Variants in SFMBT1 observed in about 807,000 individuals in gnomAD.
The protein encoded by SFMBT1 is scm-like with four MBT domains protein 1.
A neutral mutation model predicts 108.7 loss-of-function variants in SFMBT1; 32 were observed. The ratio of observed to expected loss-of-function variants is 0.29; its 90% CI spans 0.22 to 0.40. The LOEUF is 0.40. SFMBT1 is among the 10% of genes least tolerant of loss of function. The pLI is 1.00. For synonymous variants in SFMBT1, 348 were observed against 369.5 expected (o/e 0.94, Z 0.67); for missense variants, 816 against 1,059.6 (o/e 0.77, Z 3.19).
chr3:52,910,736 G>T (rs1702194531), intron 17 of SFMBT1, among the ~76,000 whole-genome samples: 1 of 152,164 alleles, frequency 6.6e-6, no homozygotes, highest in African/African-American at 2.4e-5. Context: ...TGATCCGCCT[G>T]CCTCGGCCTC....
At chr3:52,915,955 G>A (rs1038385264) in intron 14 of SFMBT1, among the ~76,000 whole-genome samples, 195 bp downstream of exon 14, 2 of 152,104 alleles carry the variant, frequency 1.3e-5, no homozygotes, top group Admixed American at 1.3e-4. Flanking sequence ...TATTAGAAAT[G>A]GACGGAACTA....
chr3:53,017,579 G>A lies in SFMBT1; in HGVS notation c.-131+28237C>T, dbSNP rs185075086. Among the ~76,000 whole-genome samples the A allele has an allele frequency of 5.2e-3, 789 of 152,250 alleles. 5 individuals are homozygous for A. Among genetic ancestry groups the A allele is most frequent in the Non-Finnish European group, 8.7e-3 (590 of 68,022 alleles). ...TAGTAAAGGAAACCTTCCTCCAACAGAAGAGTGACAGGACTGCAACATGAA... is the reference window on the plus strand; with the variant it reads ...TAGTAAAGGAAACCTTCCTCCAACAAAAGAGTGACAGGACTGCAACATGAA... On this transcript the variant is annotated intron_variant, in intron 1 of 20. Transcript: ENST00000394752.
intron 1 of SFMBT1, among the ~76,000 whole-genome samples, chr3:53,037,587 T>C (rs1251136813): frequency 1.3e-5 from 2 of 152,232 alleles, no homozygotes; most frequent in Non-Finnish European, 2.9e-5. Context: ...AATACCATCA[T>C]AAACACCTAT....
At chr3:52,929,992 T>C (rs1193336983) in intron 8 of SFMBT1, among the ~76,000 whole-genome samples, 1 of 152,220 alleles carries the variant, frequency 6.6e-6, no homozygotes. Context: ...TAGACGTTGA[T>C]GAGACTGCCT....
At chr3:52,969,352 T>C (rs1283589305) in intron 1 of SFMBT1, 94 bp from the exon 2 acceptor site, 8 of 1,282,682 alleles carry the variant, frequency 6.2e-6, no homozygotes, top group Non-Finnish European at 8.2e-6. Context: ...AGAGATGACA[T>C]AAGACAAAAA....
At chr3:53,029,658 C>T (rs547887206) in intron 1 of SFMBT1, among the ~76,000 whole-genome samples, 1 of 152,332 alleles carries the variant, frequency 6.6e-6, no homozygotes, top group East Asian at 1.9e-4. Context: ...GAATTCATAA[C>T]AAGCAGCATA....
intron 5 of SFMBT1, among the ~76,000 whole-genome samples, chr3:52,933,068 T>C (rs1702906187): frequency 6.6e-6 from 1 of 152,214 alleles, no homozygotes; most frequent in African/African-American, 2.4e-5. Context: ...TTTTTCTCCA[T>C]ACAAGTCAAT....
rs369463608 is a variant in SFMBT1 at position 52,930,376 on chromosome 3, C to G, written c.850G>C (p.Val284Leu). Residue 284 changes from valine to leucine, a missense_variant, in exon 8 of 21, where the codon GTA (valine) becomes CTA (leucine). Val to Leu is a conservative substitution (Grantham distance 32). Transcript: ENST00000394752. Reference sequence around the variant, plus strand: ...ATCCCAAAAGGAGACCAGGGGTCTACAGCTTCCAATTTCATGTTTACAGAG... The same window carrying G: ...ATCCCAAAAGGAGACCAGGGGTCTAGAGCTTCCAATTTCATGTTTACAGAG... ...TFSVNMKLEA[V>L]DPWSPFGISP... 6.3e-5 allele frequency: 101 copies of G among 1,613,566 alleles called. No individual in the cohort carries two copies. The highest frequency in any genetic ancestry group is 8.1e-5 in the Non-Finnish European group (96 of 1,179,580).
At position 53,000,883 on chromosome 3, in the gene SFMBT1, G is replaced by A. The variant is rs977892001; in HGVS notation, c.-130-31625C>T. Reference sequence around the variant, plus strand: ...TTAATACTCAAATATCTACCAATAGGTGGTTAGGTAAATAAGTTATTGCAA... The same window carrying A: ...TTAATACTCAAATATCTACCAATAGATGGTTAGGTAAATAAGTTATTGCAA... On this transcript the variant is annotated intron_variant, in intron 1 of 20. Coordinates refer to ENST00000394752, the MANE Select transcript of SFMBT1 (RefSeq NM_016329.4). Among the ~76,000 whole-genome samples, 7 of 149,768 alleles carry A rather than the reference G, an allele frequency of 4.7e-5. 1 individual carries two copies. Among genetic ancestry groups the A allele is most frequent in the Admixed American group, 3.4e-4 (5 of 14,772 alleles).
At chr3:52,974,074 A>G (rs1159725564) in intron 1 of SFMBT1, among the ~76,000 whole-genome samples, 2 of 152,228 alleles carry the variant, frequency 1.3e-5, no homozygotes, top group African/African-American at 4.8e-5. Context: ...CATGTCTGAC[A>G]TAAGTAACTT....
At chr3:53,032,027 T>C (rs1211946018) in intron 1 of SFMBT1, among the ~76,000 whole-genome samples, 2 of 152,328 alleles carry the variant, frequency 1.3e-5, no homozygotes, top group South Asian at 4.1e-4. Flanking sequence ...AGGGAAGGCT[T>C]TGCTGAGCTG....
chr3:52,988,297 G>C (rs1483434485), intron 1 of SFMBT1, among the ~76,000 whole-genome samples: 1 of 152,136 alleles, frequency 6.6e-6, no homozygotes, highest in Non-Finnish European at 1.5e-5. Context: ...TAATTCACTG[G>C]AATTTTTTTT....
At chr3:52,978,131 G>A (rs942853749) in intron 1 of SFMBT1, among the ~76,000 whole-genome samples, 6 of 152,098 alleles carry the variant, frequency 3.9e-5, no homozygotes, top group Non-Finnish European at 5.9e-5. Flanking sequence ...TGATAGAGCT[G>A]GGGAGGAATG....
chr3:52,979,827 T>C (rs73839776), intron 1 of SFMBT1, among the ~76,000 whole-genome samples: 1,999 of 152,290 alleles, frequency 0.013, 46 homozygotes, highest in African/African-American at 0.046. Context: ...AAGAAATATT[T>C]TGAAACCTGC....
At chr3:52,915,750 G>A (rs1702329081) in intron 14 of SFMBT1, among the ~76,000 whole-genome samples, 1 of 152,100 alleles carries the variant, frequency 6.6e-6, no homozygotes, top group Non-Finnish European at 1.5e-5. Context: ...CACATAAACT[G>A]TGAAATTTAT....
chr3:53,032,317 C>G (rs981149788), intron 1 of SFMBT1, among the ~76,000 whole-genome samples: 27 of 152,170 alleles, frequency 1.8e-4, no homozygotes, highest in African/African-American at 6.5e-4. Flanking sequence ...CTGCAGTGAG[C>G]CGGGATCACA....
chr3:52,921,841 G>T lies in SFMBT1; in HGVS notation c.1132-10C>A, dbSNP rs1399521637. The T allele has an allele frequency of 6.2e-7, 1 of 1,613,124 alleles. No homozygotes were observed. Among genetic ancestry groups the T allele is most frequent in the African/African-American group, 1.3e-5 (1 of 75,006 alleles). ...CATGTTCAGAAATTAACTAGAAAAT[G>T]AATGAATCAAATCAATTTACTGGAT... On this transcript the variant is annotated splice_polypyrimidine_tract_variant and intron_variant, in intron 10 of 20. Coordinates refer to ENST00000394752, the MANE Select transcript of SFMBT1 (RefSeq NM_016329.4).
At chr3:52,949,763 G>A (rs1376041928) in intron 3 of SFMBT1, among the ~76,000 whole-genome samples, 3 of 151,514 alleles carry the variant, frequency 2.0e-5, no homozygotes, top group Non-Finnish European at 4.4e-5. Flanking sequence ...ATTTTTAGTA[G>A]AAACAGGGTT....
intron 1 of SFMBT1, among the ~76,000 whole-genome samples, chr3:53,006,628 C>CAAAAAAGAAAAAAAAAAAA (rs1698752627): frequency 7.9e-6 from 1 of 126,316 alleles, no homozygotes; most frequent in African/African-American, 3.4e-5. Context: ...AACTCCGTCT[C>CAAAAAAGAAAAAAAAAAAA]AAAAAAAAAA....
Sources: allele counts gnomAD v4.1 joint callset (sites outside exome capture counted in the v4.1 genomes callset), GRCh38; gene constraint gnomAD v4.1.1; transcripts MANE v1.5; gene names NCBI Gene and HGNC (gene_info 2026-07-23, HGNC 2026-07-21).